Variants in EIF2B3 observed in about 807,000 individuals in gnomAD.
The protein encoded by EIF2B3 is translation initiation factor eIF2B subunit gamma.
EIF2B3 carries 20 observed loss-of-function variants against 54.1 expected under a neutral mutation model. The observed-to-expected ratio is 0.37, with a 90% CI of 0.26 to 0.54. EIF2B3 has a LOEUF of 0.54. EIF2B3 is among the 20% of genes least tolerant of loss of function. EIF2B3 has a pLI of 0.86. For missense variants in EIF2B3, 448 were observed against 547.8 expected (o/e 0.82, Z 1.82); for synonymous variants, 153 against 188.1 (o/e 0.81, Z 1.52).
intron 3 of EIF2B3, among the ~76,000 whole-genome samples, chr1:44,960,532 C>G (rs182305633): frequency 2.0e-5 from 3 of 151,650 alleles, no homozygotes; most frequent in South Asian, 2.1e-4. Context: ...CCAGCTACTC[C>G]GGAGGCTGAG....
intron 3 of EIF2B3, among the ~76,000 whole-genome samples, chr1:44,969,280 G>T (rs968753575): frequency 6.6e-6 from 1 of 151,956 alleles, no homozygotes; most frequent in Non-Finnish European, 1.5e-5. Context: ...CAAAAACCTA[G>T]TTTCTTCAAC....
At chr1:44,979,839 G>A (rs531836406) in intron 2 of EIF2B3, among the ~76,000 whole-genome samples, 146 of 152,146 alleles carry the variant, frequency 9.6e-4, no homozygotes, top group African/African-American at 3.2e-3. Context: ...GGTGGTACAC[G>A]CCTGTAGTCC....
chr1:44,874,784 C>T lies in EIF2B3; in HGVS notation c.1096G>A (p.Glu366Lys), dbSNP rs369175038. ...ACTGAGCGCTTAATGGATGACTTCT[C>T]TCCAATCTGTGTCTCTGGCCCAATG... ...SLIGPETQIG[E>K]KSSIKRSVIG... is the part of the protein sequence containing the mutation. The change falls in exon 10 of 12, where the codon GAG (glutamate) becomes AAG (lysine). Residue 366 changes from glutamate to lysine, a missense_variant. Glu to Lys is a moderately conservative substitution (Grantham distance 56). This residue lies in a region of EIF2B3 where 350 missense variants were observed against 414.2 expected (regional missense o/e 0.85). Transcript: ENST00000360403. 12 of 1,614,020 alleles carry T rather than the reference C, an allele frequency of 7.4e-6. No individual in the cohort carries two copies. Among genetic ancestry groups the T allele is most frequent in the Non-Finnish European group, 8.5e-6 (10 of 1,180,030 alleles).
chr1:44,875,584 ATC>A (rs769359983), intron 9 of EIF2B3, 32 bp downstream of exon 9: 1 of 1,605,126 alleles, frequency 6.2e-7, no homozygotes, highest in South Asian at 1.1e-5. Flanking sequence ...CCCAAAGAAC[ATC>A]TCATGCCCGT....
rs530504015 is a variant in EIF2B3 at position 44,938,868 on chromosome 1, C to T, written c.454+2638G>A. ...ATCCCAGCACTTTGGGAGACTGAGG[C>T]AGGGAGATTGCTTTTGAGCTCAAGA... On this transcript the variant is annotated intron_variant, in intron 4 of 11. Transcript: ENST00000360403. 2.6e-5 allele frequency among the ~76,000 whole-genome samples: 4 copies of T among 151,502 alleles called. No individual in the cohort carries two copies. In the East Asian group the frequency reaches 7.8e-4, roughly 30 times the overall value.
chr1:44,942,400 TATATATATATA>T (rs1644037718), intron 3 of EIF2B3, among the ~76,000 whole-genome samples: 1 of 19,272 alleles, frequency 5.2e-5, no homozygotes, highest in African/African-American at 3.0e-4. Flanking sequence ...TATATATATA[TATATATATATA>T]TATATATTTT....
chr1:44,920,716 G>C (rs1643722635), intron 5 of EIF2B3, among the ~76,000 whole-genome samples: 1 of 152,124 alleles, frequency 6.6e-6, no homozygotes, highest in Non-Finnish European at 1.5e-5. Context: ...TAAATGACAG[G>C]ATCTCATTCT....
intron 3 of EIF2B3, among the ~76,000 whole-genome samples, chr1:44,963,025 C>T (rs1027637608): frequency 2.6e-5 from 4 of 151,988 alleles, no homozygotes; most frequent in South Asian, 2.1e-4. Context: ...CCCAGGAGTT[C>T]GAGCCTGGGC....
chr1:44,973,453 T>TGGCCC (rs1644422204), intron 3 of EIF2B3, among the ~76,000 whole-genome samples: 1 of 152,114 alleles, frequency 6.6e-6, no homozygotes. Context: ...AAAAAATAAA[T>TGGCCC]ACTGGAGGCC....
chr1:44,880,048 G>T (rs771665613), intron 7 of EIF2B3, 40 bp from the exon 8 acceptor site: 39 of 1,586,748 alleles, frequency 2.5e-5, no homozygotes, highest in Non-Finnish European at 4.3e-6. Flanking sequence ...AAATGAGAGA[G>T]AGATAACAGA....
rs536659801 is a variant in EIF2B3 at position 44,880,918 on chromosome 1, G to A, written c.784+694C>T. Among the ~76,000 whole-genome samples, 29 of 151,518 alleles carry A rather than the reference G, an allele frequency of 1.9e-4. No homozygotes were observed. The South Asian group carries it at 5.4e-3, about 28-fold the overall frequency. On this transcript the variant is annotated intron_variant, in intron 7 of 11. Coordinates refer to ENST00000360403, the MANE Select transcript of EIF2B3 (RefSeq NM_020365.5). ...GGAGCTTGCAGTGAGCCGAGATTGCGCCACTGCCCTCCAGCCTGGGCGACA... is the reference window on the plus strand; with the variant it reads ...GGAGCTTGCAGTGAGCCGAGATTGCACCACTGCCCTCCAGCCTGGGCGACA...
chr1:44,910,152 C>CAA (rs1417533782), intron 5 of EIF2B3, among the ~76,000 whole-genome samples: 1 of 152,100 alleles, frequency 6.6e-6, no homozygotes, highest in Admixed American at 6.6e-5. Flanking sequence ...ATATTTGGCA[C>CAA]AAATATCTTT....
In EIF2B3 at chr1:44,978,621, CT is replaced by C. The variant is rs57964686; in HGVS notation, c.149-162del. ...TTTACCTGCATTCCCCCAATAAATT[CT>C]TTTTTTTTTTTTTTTTTTTTTTTTT... is the stretch of plus-strand genomic sequence containing the variant. On this transcript the variant is annotated intron_variant, in intron 2 of 11. Transcript: ENST00000360403. 8.2e-3 allele frequency among the ~76,000 whole-genome samples: 628 copies of C among 76,368 alleles called. 2 individuals are homozygous for C. Among genetic ancestry groups the C allele is most frequent in the African/African-American group, 0.038 (579 of 15,076 alleles). The allele number at this position is 76,368 out of a possible 152,430, so 50.1% of individuals were successfully genotyped here.
chr1:44,873,725 C>G (rs1573695622), intron 10 of EIF2B3, among the ~76,000 whole-genome samples: 1 of 151,928 alleles, frequency 6.6e-6, no homozygotes, highest in East Asian at 1.9e-4. Flanking sequence ...ACTGCAACCT[C>G]TGCCTCCTGG....
intron 6 of EIF2B3, among the ~76,000 whole-genome samples, chr1:44,892,366 GC>G (rs1241985012): frequency 1.3e-5 from 2 of 152,018 alleles, no homozygotes; most frequent in Non-Finnish European, 1.5e-5. Context: ...GATCTCTTGA[GC>G]CGAGGAGTTT....
chr1:44,923,998 CG>C (rs1240709055), intron 5 of EIF2B3, among the ~76,000 whole-genome samples: 7 of 147,950 alleles, frequency 4.7e-5, no homozygotes, highest in African/African-American at 7.6e-5. Context: ...TGGAGTACAG[CG>C]GTGCAATCTC....
chr1:44,943,041 T>A (rs1644055059), intron 3 of EIF2B3, among the ~76,000 whole-genome samples: 1 of 151,282 alleles, frequency 6.6e-6, no homozygotes, highest in Non-Finnish European at 1.5e-5. Flanking sequence ...GTGTTTTTAG[T>A]AGAGACGGTG....
chr1:44,918,906 G>A (rs1207772540), intron 5 of EIF2B3, among the ~76,000 whole-genome samples: 2 of 152,076 alleles, frequency 1.3e-5, no homozygotes, highest in African/African-American at 4.8e-5. Flanking sequence ...TCAGCTCTAC[G>A]TATTAGCTAT....
chr1:44,921,485 TC>T (rs1440730899), intron 5 of EIF2B3, among the ~76,000 whole-genome samples: 1 of 152,280 alleles, frequency 6.6e-6, no homozygotes, highest in Non-Finnish European at 1.5e-5. Flanking sequence ...CTGGAGACTT[TC>T]CTCAATGGTT....
Sources: allele counts gnomAD v4.1 joint callset (sites outside exome capture counted in the v4.1 genomes callset), GRCh38; gene constraint gnomAD v4.1.1; regional missense constraint gnomAD v4.1.1; transcripts MANE v1.5; gene names NCBI Gene and HGNC (gene_info 2026-07-23, HGNC 2026-07-21).